Variants in ZNF454 observed in about 807,000 individuals in gnomAD.
The protein encoded by ZNF454 is zinc finger protein 454.
In ZNF454, 30 loss-of-function variants were observed where a neutral mutation model predicts 48.2. That is an observed-to-expected ratio of 0.62 (90% confidence interval 0.47 to 0.84). The LOEUF (loss-of-function observed/expected upper bound fraction) is 0.84, where lower values mean the gene tolerates loss of function less well. ZNF454 is among the 40% of genes least tolerant of loss of function. The probability of loss-of-function intolerance (pLI) is 0.00; values close to 1 mark genes in which losing one functional copy is unlikely to be tolerated. For synonymous variants in ZNF454, 204 were observed against 211.4 expected (o/e 0.97, Z 0.30); for missense variants, 510 against 623.1 (o/e 0.82, Z 1.93).
intron 4 of ZNF454, among the ~76,000 whole-genome samples, chr5:178,947,233 C>G (rs188620512): frequency 6.6e-6 from 1 of 152,316 alleles, no homozygotes; most frequent in Admixed American, 6.5e-5. Context: ...AGTAGAGTCT[C>G]TGGTCTAGAA....
chr5:178,947,045 G>T, intron 4 of ZNF454, 59 bp downstream of exon 4: 1 of 1,448,010 alleles, frequency 6.9e-7, no homozygotes, highest in Non-Finnish European at 9.6e-7. Flanking sequence ...GGAAGGCTCC[G>T]TAGGGAAGGC....
chr5:178,958,266 C>T (rs1310435847), intron 4 of ZNF454, among the ~76,000 whole-genome samples: 1 of 152,172 alleles, frequency 6.6e-6, no homozygotes, highest in Non-Finnish European at 1.5e-5. Context: ...CCAGTCCCCT[C>T]GCAGTTTCTT....
At chr5:178,956,155 C>T (rs879866323) in intron 4 of ZNF454, among the ~76,000 whole-genome samples, 1 of 152,144 alleles carries the variant, frequency 6.6e-6, no homozygotes, top group Non-Finnish European at 1.5e-5. Context: ...TTTTTGATTT[C>T]CAAGAACTCT....
intron 2 of ZNF454, 37 bp downstream of exon 2, chr5:178,942,861 G>T (rs2113165978): frequency 6.2e-7 from 1 of 1,602,914 alleles, no homozygotes; most frequent in Non-Finnish European, 8.5e-7. Context: ...TTGCTTTCTG[G>T]ATTTGAAGAG....
chr5:178,957,838 A>G (rs1040796330), intron 4 of ZNF454, among the ~76,000 whole-genome samples: 1 of 152,208 alleles, frequency 6.6e-6, no homozygotes, highest in African/African-American at 2.4e-5. Context: ...ACCGGGATGC[A>G]TTTGACTCCC....
At chr5:178,983,974 A>G in the ZNF454 span, among the ~76,000 whole-genome samples, 6 of 152,220 alleles carry the variant, frequency 3.9e-5, no homozygotes, top group Admixed American at 3.3e-4. Flanking sequence ...CATGCCGAGC[A>G]CCTGGAGCAG....
At chr5:178,985,502 G>T in the ZNF454 span, 7 of 340,944 alleles carry the variant, frequency 2.1e-5, no homozygotes, top group African/African-American at 1.1e-4. Flanking sequence ...AGGAGATCGA[G>T]ACCATCCTGG....
the ZNF454 span, chr5:178,989,200 T>TGCCC: frequency 7.5e-7 from 1 of 1,333,670 alleles, no homozygotes; most frequent in Admixed American, 2.1e-5. Context: ...CCTCCCGCCT[T>TGCCC]CCCCCTCCCC....
At chr5:178,967,081 T>C (rs1387142731), downstream of ZNF454, among the ~76,000 whole-genome samples, 1 of 152,194 alleles carries the variant, frequency 6.6e-6, no homozygotes, top group African/African-American at 2.4e-5. Context: ...TCTTGAGTTA[T>C]GCATTTCCTC....
At chr5:178,980,035 GGA>G in the ZNF454 span, 1 of 154,346 alleles carries the variant, frequency 6.5e-6, no homozygotes, top group South Asian at 2.0e-4. This position sits in a 1 kb window ranked among gnomAD's most constrained non-coding sequence, Gnocchi z 4.3. Flanking sequence ...ATGTGGAGAA[GGA>G]GAGTCAGTAG....
chr5:178,945,731 G>A (rs1369534245), intron 2 of ZNF454, among the ~76,000 whole-genome samples: 1 of 151,714 alleles, frequency 6.6e-6, no homozygotes, highest in Non-Finnish European at 1.5e-5. Context: ...GTGTGTTGAG[G>A]ATGGGGAGGT....
the ZNF454 span, chr5:178,986,393 G>A: frequency 2.1e-4 from 342 of 1,613,908 alleles, no homozygotes; most frequent in Non-Finnish European, 2.4e-4. Flanking sequence ...CTGAGCTCTC[G>A]GCCCGAGGCC....
chr5:178,946,905 G>A lies in ZNF454; in HGVS notation c.169G>A (p.Gly57Arg), dbSNP rs778321557. 17 of 1,613,868 alleles carry A rather than the reference G, an allele frequency of 1.1e-5. No homozygotes were observed. The Admixed American group carries it at 2.8e-4, about 27-fold the overall frequency. Residue 57 changes from glycine (G) to arginine (R), a missense_variant, in exon 4 of 5, where the codon GGA (glycine) becomes AGA (arginine). Physicochemically the swap from Gly to Arg is moderately radical, Grantham distance 125 (BLOSUM62 -2). Coordinates refer to ENST00000519564, the MANE Select transcript of ZNF454 (RefSeq NM_001178089.3). The surrounding 1 kb of genome is among the most constrained non-coding windows in gnomAD (Gnocchi z 4.5). The stretch of plus-strand genomic sequence containing the variant: ...TCTCCCCTTAAAAACAGGACTCTTA[G>A]GACCCAAACCAGATACGTTTTCCCA... ...YSNLVSLGLL[G>R]PKPDTFSQLE...
chr5:178,975,406 C>T, the ZNF454 span, among the ~76,000 whole-genome samples: 121,591 of 152,222 alleles, frequency 0.8, 48,953 homozygotes, highest in East Asian at 0.95. Flanking sequence ...AACACGTGCA[C>T]AGAAGATGTT....
At chr5:178,961,681 A>G (rs769744813) in intron 4 of ZNF454, among the ~76,000 whole-genome samples, 4 of 151,238 alleles carry the variant, frequency 2.6e-5, no homozygotes, top group Non-Finnish European at 4.4e-5. Context: ...TTAGCTGGGC[A>G]TGGCAGCGTG....
downstream of ZNF454, among the ~76,000 whole-genome samples, chr5:178,968,047 C>T (rs772423142): frequency 4.0e-5 from 6 of 151,532 alleles, no homozygotes; most frequent in Admixed American, 6.6e-5. Flanking sequence ...CCACCTTCCC[C>T]GTCTTTAATC....
chr5:178,956,126 T>C (rs960421006), intron 4 of ZNF454, among the ~76,000 whole-genome samples: 3 of 152,232 alleles, frequency 2.0e-5, no homozygotes, highest in Non-Finnish European at 4.4e-5. Flanking sequence ...CTCTATTTTG[T>C]TTTTGAATCC....
At chr5:178,970,019 C>T (rs1223647607), downstream of ZNF454, among the ~76,000 whole-genome samples, 1 of 152,168 alleles carries the variant, frequency 6.6e-6, no homozygotes, top group Non-Finnish European at 1.5e-5. Flanking sequence ...CTCTCTAAGA[C>T]GTTACCTTCC....
At chr5:178,981,635 A>G in the ZNF454 span, 2 of 1,583,144 alleles carry the variant, frequency 1.3e-6, no homozygotes, top group Non-Finnish European at 1.7e-6. This position sits in a 1 kb window ranked among gnomAD's most constrained non-coding sequence, Gnocchi z 5.1. Flanking sequence ...GGCAGCAAGC[A>G]GTCCCGTTCC....
Sources: allele counts gnomAD v4.1 joint callset (sites outside exome capture counted in the v4.1 genomes callset), GRCh38; gene constraint gnomAD v4.1.1; non-coding constraint Gnocchi (gnomAD v3.1); transcripts MANE v1.5; gene names NCBI Gene and HGNC (gene_info 2026-07-23, HGNC 2026-07-21).